Variants in APIP observed in about 807,000 individuals in gnomAD.
APIP encodes methylthioribulose-1-phosphate dehydratase.
APIP carries 32 observed loss-of-function variants against 32.0 expected under a neutral mutation model. The ratio of observed to expected loss-of-function variants is 1.00; its 90% CI spans 0.76 to 1.34. The LOEUF (loss-of-function observed/expected upper bound fraction) is 1.34, where lower values mean the gene tolerates loss of function less well. Among genes scored for constraint, APIP ranks in the 40% most tolerant of loss-of-function variants. The probability of loss-of-function intolerance (pLI) is 0.00; values close to 1 mark genes in which losing one functional copy is unlikely to be tolerated. For synonymous variants in APIP, 92 were observed against 94.8 expected, an observed-to-expected ratio of 0.97 and a Z score of 0.17; for missense variants, 247 against 298.6, an observed-to-expected ratio of 0.83 and a Z score of 1.27.
chr11:34,903,461 A>G (rs562878424), intron 1 of APIP, among the ~76,000 whole-genome samples: 33 of 152,372 alleles, frequency 2.2e-4, no homozygotes, highest in African/African-American at 7.9e-4. Flanking sequence ...GACTCCAAGT[A>G]TGCTTTTCTG....
rs750739843 is a variant in APIP, at chr11:34,882,724, A to G, written c.722T>C (p.Ile241Thr). The G allele has an allele frequency of 1.1e-4, 181 of 1,584,448 alleles. No homozygotes were observed. Among genetic ancestry groups the G allele is most frequent in the African/African-American group, 1.5e-4 (11 of 73,992 alleles). The change falls in exon 7 of 7, where the codon ATT becomes ACT. Residue 241 changes from isoleucine (I) to threonine (T), a missense_variant. Ile to Thr is a moderately conservative substitution (Grantham distance 89, BLOSUM62 -1). Coordinates refer to ENST00000395787, the MANE Select transcript of APIP (RefSeq NM_015957.4). ...PSQLPVGENGIV is the reference protein window; with the variant it reads ...PSQLPVGENGTV ...ATTAGACTTTCTTTTGGCTTAGACA[A>G]TTCCATTTTCTCCAACTGGGAGCTG...
intron 5 of APIP, 41 bp from the exon 6 acceptor site, chr11:34,883,545 T>C (rs1408494578): frequency 6.3e-7 from 1 of 1,596,488 alleles, no homozygotes; most frequent in Admixed American, 1.7e-5. Context: ...TTAAAACAAA[T>C]CAAGCATTGA....
intron 1 of APIP, among the ~76,000 whole-genome samples, chr11:34,910,249 T>C (rs1238423301): frequency 6.6e-6 from 1 of 152,238 alleles, no homozygotes; most frequent in Non-Finnish European, 1.5e-5. Flanking sequence ...ACTCCATATG[T>C]AAATTAGGTC....
At chr11:34,897,086 G>A (rs901228223) in intron 1 of APIP, among the ~76,000 whole-genome samples, 1 of 152,182 alleles carries the variant, frequency 6.6e-6, no homozygotes. Flanking sequence ...TTAACAGGTT[G>A]AATTCTCAGC....
At chr11:34,883,570 G>T in intron 5 of APIP, 66 bp from the exon 6 acceptor site, 1 of 1,501,982 alleles carries the variant, frequency 6.7e-7, no homozygotes. Context: ...TATACAACAT[G>T]TAATTTTTTC....
chr11:34,914,877 G>A (rs182302312), intron 1 of APIP, among the ~76,000 whole-genome samples: 5 of 151,996 alleles, frequency 3.3e-5, no homozygotes, highest in South Asian at 2.1e-4. Context: ...GGTGACATGC[G>A]CCTGTAATCC....
At chr11:34,915,202 C>G (rs150594752) in intron 1 of APIP, among the ~76,000 whole-genome samples, 2 of 152,050 alleles carry the variant, frequency 1.3e-5, no homozygotes, top group Non-Finnish European at 2.9e-5. Flanking sequence ...ATTGAGGGTA[C>G]GGACACTTCT....
chr11:34,882,802 T>A lies in APIP; in HGVS notation c.644A>T (p.Asp215Val). 1 of 1,606,454 alleles carries A rather than the reference T, an allele frequency of 6.2e-7. No individual in the cohort carries two copies. The change falls in exon 7 of 7, where the codon GAC (aspartate) becomes GTC (valine). Residue 215 changes from aspartate to valine, a missense_variant. Coordinates refer to ENST00000395787, the MANE Select transcript of APIP (RefSeq NM_015957.4). ...TGATACGGCAATATCAAATAAATAG[T>A]CATAACACTCACACCTGTAAAAGAA... ...EKAKTMCECY[D>V]YLFDIAVSMK...
intron 1 of APIP, among the ~76,000 whole-genome samples, chr11:34,900,025 C>A (rs1224643223): frequency 6.6e-6 from 1 of 152,226 alleles, no homozygotes; most frequent in East Asian, 1.9e-4. Flanking sequence ...GTCTATTGCA[C>A]AAGGGCATGG....
chr11:34,885,278 T>C (rs1182970346), intron 5 of APIP, among the ~76,000 whole-genome samples: 1 of 148,902 alleles, frequency 6.7e-6, no homozygotes, highest in African/African-American at 2.4e-5. Context: ...TATATACATA[T>C]AACTATACAT....
In APIP at chr11:34,910,361, G is replaced by A. The variant is rs140441899; in HGVS notation, c.57+5867C>T. Among the ~76,000 whole-genome samples the A allele has an allele frequency of 5.3e-4, 80 of 152,310 alleles. No individual in the cohort carries two copies. The East Asian group carries it at 0.014, about 28-fold the overall frequency. On this transcript the variant is annotated intron_variant, in intron 1 of 6. Coordinates refer to ENST00000395787, the MANE Select transcript of APIP (RefSeq NM_015957.4). ...ATTTAGAAGTAAATGAAACTTGGAG[G>A]CATGGAGTTCTAATGACTCTTTCAA... is the stretch of plus-strand genomic sequence containing the variant.
intron 1 of APIP, among the ~76,000 whole-genome samples, chr11:34,895,596 A>T (rs78439865): frequency 6.6e-6 from 1 of 152,194 alleles, no homozygotes; most frequent in Non-Finnish European, 1.5e-5. Context: ...CCTTTTTCCC[A>T]CAATGATTTT....
At chr11:34,914,652 C>A (rs1853625530) in intron 1 of APIP, among the ~76,000 whole-genome samples, 1 of 152,046 alleles carries the variant, frequency 6.6e-6, no homozygotes, top group Non-Finnish European at 1.5e-5. Context: ...AAAATAAGGG[C>A]CCAATGTCAC....
Position 34,884,888 on chromosome 11 carries a change from C to A in APIP, c.462-1384G>T, listed in dbSNP as rs144208942. On this transcript the variant is annotated intron_variant, in intron 5 of 6. Coordinates refer to ENST00000395787, the MANE Select transcript of APIP (RefSeq NM_015957.4). ...AAATAATTTCACAGCAAAGTAAGAA[C>A]TGAAAGCGAATTCAAGCCAGTCCTC... Among the ~76,000 whole-genome samples, 62 of 151,936 alleles carry A rather than the reference C, an allele frequency of 4.1e-4. No homozygotes were observed. In the East Asian group the frequency reaches 9.1e-3, roughly 22 times the overall value.
chr11:34,903,033 T>C (rs890369566), intron 1 of APIP, among the ~76,000 whole-genome samples: 7 of 152,172 alleles, frequency 4.6e-5, no homozygotes, highest in Non-Finnish European at 8.8e-5. Context: ...CCACATAACA[T>C]GGCAGGACTA....
At chr11:34,896,930 G>GACCC (rs1255586658) in intron 1 of APIP, 1 of 673,690 alleles carries the variant, frequency 1.5e-6, no homozygotes, top group East Asian at 6.6e-5. Flanking sequence ...ATAAACTGGA[G>GACCC]ACCCCACTGA....
chr11:34,908,410 T>C (rs1853490440), intron 1 of APIP, among the ~76,000 whole-genome samples: 1 of 152,230 alleles, frequency 6.6e-6, no homozygotes, highest in Non-Finnish European at 1.5e-5. Flanking sequence ...TGAGTCATAC[T>C]TTCTCTCTGT....
chr11:34,887,962 G>A (rs1307936811), intron 5 of APIP, among the ~76,000 whole-genome samples: 2 of 152,128 alleles, frequency 1.3e-5, no homozygotes, highest in Non-Finnish European at 2.9e-5. Flanking sequence ...TGAAGACAAA[G>A]TGAAGTTGAA....
Position 34,888,739 on chromosome 11 carries a change from A to G in APIP, c.325+13T>C, listed in dbSNP as rs1455902675. On this transcript the variant is annotated intron_variant, in intron 4 of 6. Coordinates refer to ENST00000395787, the MANE Select transcript of APIP (RefSeq NM_015957.4). ...TGCAAATATTCTTTATGTTGAATAT[A>G]TTTTCTGCATACCTCTCATTGTGTA... is the stretch of plus-strand genomic sequence containing the variant. 2.7e-6 allele frequency: 4 copies of G among 1,490,218 alleles called. No homozygotes were observed. Among genetic ancestry groups the G allele is most frequent in the African/African-American group, 1.5e-5 (1 of 68,346 alleles). The allele number at this position is 1,490,218 out of a possible 1,614,324, so 92.3% of individuals were successfully genotyped here.
Sources: allele counts gnomAD v4.1 joint callset (sites outside exome capture counted in the v4.1 genomes callset), GRCh38; gene constraint gnomAD v4.1.1; transcripts MANE v1.5; gene names NCBI Gene and HGNC (gene_info 2026-07-23, HGNC 2026-07-21).